Variants in CCNB2 observed in about 807,000 individuals in gnomAD.
The protein encoded by CCNB2 is cyclin B2.
In CCNB2, 39 loss-of-function variants were observed where a neutral mutation model predicts 51.1. That is an observed-to-expected ratio of 0.76 (90% CI 0.59 to 1.00). The LOEUF is 1.00. Among genes scored for constraint, CCNB2 ranks in the 50% least tolerant of loss-of-function variants. The probability of loss-of-function intolerance (pLI) is 0.00; values close to 1 mark genes in which losing one functional copy is unlikely to be tolerated. For missense variants in CCNB2, 472 were observed against 470.3 expected, an observed-to-expected ratio of 1.00 and a Z score of -0.03; for synonymous variants, 174 against 165.5, an observed-to-expected ratio of 1.05 and a Z score of -0.40.
chr15:59,105,277 G>C lies in CCNB2; in HGVS notation c.9G>C (p.Leu3=). 6.4e-7 allele frequency: 1 copy of C among 1,567,086 alleles called. No homozygotes were observed. The highest frequency in any genetic ancestry group is 2.4e-5 in the East Asian group (1 of 42,446). ...TGCCTTCCCCGTCCCTCATGGCGCT[G>C]CTCCGACGCCCGACGGTGAGTGTGC... MA[L]LRRPTVSSDL... is the part of the protein sequence containing the mutation. The change falls in exon 1 of 9, where the codon CTG becomes CTC. Residue 3 remains leucine (L), a synonymous_variant. Transcript: ENST00000288207.
At chr15:59,111,590 G>C (rs561714565) in intron 3 of CCNB2, among the ~76,000 whole-genome samples, 1 of 152,264 alleles carries the variant, frequency 6.6e-6, no homozygotes, top group Admixed American at 6.5e-5. Flanking sequence ...TCACCTTAAC[G>C]TTTGGATAAA....
chr15:59,122,437 C>T (rs2079306886), intron 7 of CCNB2, among the ~76,000 whole-genome samples: 2 of 151,158 alleles, frequency 1.3e-5, no homozygotes, highest in Admixed American at 1.3e-4. Flanking sequence ...GTTGGTCAGG[C>T]TGGTCTCGAA....
In CCNB2 at chr15:59,120,370, A is replaced by C. The variant is rs142078254; in HGVS notation, c.975+3002A>C. Among the ~76,000 whole-genome samples the C allele has an allele frequency of 7.2e-3, 1,098 of 152,146 alleles. 13 individuals carry two copies. The highest frequency in any genetic ancestry group is 0.011 in the Non-Finnish European group (735 of 68,000). ...GAGCTGGTCATGGTAGCATGTGCCTATAGTCCCAGATACTCAGGAGGCTGA... is the reference window on the plus strand; with the variant it reads ...GAGCTGGTCATGGTAGCATGTGCCTCTAGTCCCAGATACTCAGGAGGCTGA... On this transcript the variant is annotated intron_variant, in intron 7 of 8. Transcript: ENST00000288207.
At position 59,121,557 on chromosome 15, in the gene CCNB2, G is replaced by A. The variant is rs552401976; in HGVS notation, c.976-1960G>A. 6 of 152,302 alleles carry A rather than the reference G, an allele frequency of 3.9e-5. No homozygotes were observed. In the East Asian group the frequency reaches 7.7e-4, roughly 20 times the overall value. The allele number at this position is 152,302 out of a possible 1,614,324, so 9.4% of individuals were successfully genotyped here. ...CACACCTGTAGTTTCAGCAGTTTTG[G>A]AGGCTGAGGCAGACAGATTGCTTGA... On this transcript the variant is annotated intron_variant, in intron 7 of 8. Coordinates refer to ENST00000288207, the MANE Select transcript of CCNB2 (RefSeq NM_004701.4).
intron 3 of CCNB2, among the ~76,000 whole-genome samples, chr15:59,108,470 G>A (rs557249184): frequency 4.6e-5 from 7 of 152,210 alleles, no homozygotes; most frequent in South Asian, 2.1e-4. Flanking sequence ...TTCCCTAAGC[G>A]CCTACCCATA....
intron 3 of CCNB2, among the ~76,000 whole-genome samples, chr15:59,108,786 G>C (rs762485585): frequency 6.6e-6 from 1 of 152,204 alleles, no homozygotes; most frequent in Non-Finnish European, 1.5e-5. Flanking sequence ...TGAAGGCAAG[G>C]AACAGATTTG....
At chr15:59,113,554 CAG>C (rs2079266541) in intron 3 of CCNB2, among the ~76,000 whole-genome samples, 1 of 151,946 alleles carries the variant, frequency 6.6e-6, no homozygotes. Context: ...TGAGAAAAAA[CAG>C]AATAATACAC....
intron 3 of CCNB2, among the ~76,000 whole-genome samples, chr15:59,112,181 T>C (rs2079260262): frequency 1.3e-5 from 2 of 152,008 alleles, no homozygotes; most frequent in African/African-American, 4.8e-5. Context: ...ATAAATGGCA[T>C]GCATGCCTGC....
At chr15:59,121,839 C>A (rs1192329791) in intron 7 of CCNB2, among the ~76,000 whole-genome samples, 3 of 142,694 alleles carry the variant, frequency 2.1e-5, no homozygotes, top group African/African-American at 7.9e-5. Context: ...GGCTGAGACA[C>A]GAGAATTGCC....
At chr15:59,115,005 CT>C in intron 5 of CCNB2, 129 bp downstream of exon 5, 1 of 965,474 alleles carries the variant, frequency 1.0e-6, no homozygotes, top group Non-Finnish European at 1.5e-6. Flanking sequence ...AGCCAAAGAA[CT>C]TTGGGGACTA....
Position 59,114,717 on chromosome 15 carries a change from G to A in CCNB2, c.439-1G>A. On this transcript the variant is annotated splice_acceptor_variant, in intron 4 of 8. Coordinates refer to ENST00000288207, the MANE Select transcript of CCNB2 (RefSeq NM_004701.4). LOFTEE classifies it high-confidence loss of function. ...TTTTAAACTTTTGATTCTACCCACAGGTTTTGCAGTCCATAAACCCACATT... is the reference window on the plus strand; with the variant it reads ...TTTTAAACTTTTGATTCTACCCACAAGTTTTGCAGTCCATAAACCCACATT... 1.9e-6 allele frequency: 3 copies of A among 1,606,554 alleles called. No individual in the cohort carries two copies. The highest frequency in any genetic ancestry group is 2.6e-6 in the Non-Finnish European group (3 of 1,174,426).
intron 5 of CCNB2, chr15:59,115,548 G>C (rs1302301587): frequency 6.6e-6 from 1 of 151,358 alleles, no homozygotes; most frequent in African/African-American, 2.4e-5. Flanking sequence ...TAGCCCTGCA[G>C]ATAAGGTTTT....
intron 3 of CCNB2, among the ~76,000 whole-genome samples, chr15:59,112,363 G>A (rs923152994): frequency 5.0e-5 from 6 of 119,882 alleles, no homozygotes; most frequent in Non-Finnish European, 1.1e-4. Flanking sequence ...TTTTTTTTTT[G>A]AGACAGAGTC....
intron 3 of CCNB2, among the ~76,000 whole-genome samples, chr15:59,108,206 T>A (rs1157330757): frequency 2.0e-5 from 3 of 152,164 alleles, no homozygotes; most frequent in African/African-American, 7.2e-5. Flanking sequence ...GGACCTATAA[T>A]CATGTCCTTT....
At chr15:59,118,715 C>T (rs1451947979) in intron 7 of CCNB2, among the ~76,000 whole-genome samples, 3 of 152,290 alleles carry the variant, frequency 2.0e-5, no homozygotes, top group Non-Finnish European at 1.5e-5. Context: ...GAAGTTGTCT[C>T]GTGACAGCCT....
chr15:59,106,716 T>C (rs2079237026), intron 1 of CCNB2, among the ~76,000 whole-genome samples: 1 of 152,202 alleles, frequency 6.6e-6, no homozygotes, highest in African/African-American at 2.4e-5. Context: ...CCATTCTAAA[T>C]GTCCTTAATA....
chr15:59,110,060 A>G (rs1391958891), intron 3 of CCNB2, among the ~76,000 whole-genome samples: 1 of 152,196 alleles, frequency 6.6e-6, no homozygotes, highest in Non-Finnish European at 1.5e-5. Flanking sequence ...TTACTGTTCA[A>G]GTTAGAGAAG....
chr15:59,115,310 A>T (rs1476352094), intron 5 of CCNB2, among the ~76,000 whole-genome samples: 1 of 152,126 alleles, frequency 6.6e-6, no homozygotes, highest in Non-Finnish European at 1.5e-5. Flanking sequence ...TTTCCAGCCA[A>T]CTATGTCATT....
Position 59,107,318 on chromosome 15 carries a change from T to TC in CCNB2, c.25-3dup, listed in dbSNP as rs1555404620. ...GTTTCATTACTTTTTTTTTTTTTTT[T>TC]CAGGTGTCCAGTGATTTGGAGAATA... On this transcript the variant is annotated splice_polypyrimidine_tract_variant and splice_region_variant and intron_variant, in intron 1 of 8. Coordinates refer to ENST00000288207, the MANE Select transcript of CCNB2 (RefSeq NM_004701.4). 6.5e-7 allele frequency: 1 copy of TC among 1,545,632 alleles called. No individual in the cohort carries two copies. The highest frequency in any genetic ancestry group is 1.5e-5 in the African/African-American group (1 of 68,162).
Sources: gnomAD v4.1 joint callset for allele counts (sites outside exome capture counted in the v4.1 genomes callset) on GRCh38, gnomAD v4.1.1 for gene constraint, MANE v1.5 for transcripts, NCBI Gene and HGNC (gene_info 2026-07-23, HGNC 2026-07-21) for gene names.